The following GABRA5 variants were observed in gnomAD, a reference collection of about 807,000 sequenced individuals.
The protein encoded by GABRA5 is gamma-aminobutyric acid receptor subunit alpha-5.
In GABRA5, 18 loss-of-function variants were observed where a neutral mutation model predicts 47.3. That is an observed-to-expected ratio of 0.38 (90% CI 0.26 to 0.56). The LOEUF is 0.56. Among genes scored for constraint, GABRA5 ranks in the 20% least tolerant of loss-of-function variants. The probability of loss-of-function intolerance (pLI) is 0.71; values close to 1 mark genes in which losing one functional copy is unlikely to be tolerated. For missense variants in GABRA5, 365 were observed against 599.3 expected (o/e 0.61, Z 4.08); for synonymous variants, 237 against 229.3 (o/e 1.03, Z -0.30).
intron 8 of GABRA5, chr15:26,939,374 CCT>C: frequency 2.6e-6 from 2 of 765,288 alleles, no homozygotes; most frequent in Non-Finnish European, 4.8e-6. Flanking sequence ...ACAGGCGACA[CCT>C]CTCTGGTAGG....
At chr15:26,944,291 T>G (rs1894459744) in intron 10 of GABRA5, among the ~76,000 whole-genome samples, 1 of 152,178 alleles carries the variant, frequency 6.6e-6, no homozygotes, top group South Asian at 2.1e-4. Flanking sequence ...TTCCATCCCA[T>G]CCACAGCCCC....
At chr15:26,936,555 C>T (rs540367879) in intron 7 of GABRA5, among the ~76,000 whole-genome samples, 2 of 152,294 alleles carry the variant, frequency 1.3e-5, no homozygotes, top group South Asian at 2.1e-4. Flanking sequence ...AGGTCCAGAA[C>T]CTGAATTCCA....
intron 3 of GABRA5, chr15:26,877,793 T>C (rs1892634121): frequency 2.6e-6 from 1 of 385,976 alleles, no homozygotes. Flanking sequence ...TAATTCCTAT[T>C]TTAAGAGAAC....
At chr15:26,871,157 G>A (rs1892462756) in intron 3 of GABRA5, among the ~76,000 whole-genome samples, 4 of 152,194 alleles carry the variant, frequency 2.6e-5, no homozygotes, top group South Asian at 2.1e-4. Context: ...TCATGCCACT[G>A]CACTCCAGCT....
chr15:26,898,543 G>C (rs1054151943), intron 6 of GABRA5, among the ~76,000 whole-genome samples: 1 of 152,194 alleles, frequency 6.6e-6, no homozygotes, highest in African/African-American at 2.4e-5. Context: ...TCCAGCGATT[G>C]AAAGCAGCAA....
chr15:26,872,138 T>A, intron 3 of GABRA5, among the ~76,000 whole-genome samples: 1 of 152,218 alleles, frequency 6.6e-6, no homozygotes, highest in African/African-American at 2.4e-5. Context: ...TCCTCTCACT[T>A]GTATATTATC....
intron 3 of GABRA5, among the ~76,000 whole-genome samples, chr15:26,871,500 T>C (rs964261350): frequency 6.6e-6 from 1 of 152,142 alleles, no homozygotes; most frequent in East Asian, 1.9e-4. Context: ...TTTTTAATCT[T>C]TTAGGTATAT....
chr15:26,926,705 A>G (rs1436436682), intron 7 of GABRA5, among the ~76,000 whole-genome samples: 2 of 147,094 alleles, frequency 1.4e-5, no homozygotes, highest in Non-Finnish European at 3.0e-5. Flanking sequence ...GCCACTCTGT[A>G]TATGAAAATT....
chr15:26,917,769 T>C (rs1322935637), intron 7 of GABRA5, among the ~76,000 whole-genome samples: 6 of 152,100 alleles, frequency 3.9e-5, no homozygotes, highest in Non-Finnish European at 8.8e-5. Context: ...ACTTCCTATT[T>C]CTTTGTGATT....
At chr15:26,868,495 T>G (rs1892382083) in intron 1 of GABRA5, among the ~76,000 whole-genome samples, 1 of 152,194 alleles carries the variant, frequency 6.6e-6, no homozygotes, top group African/African-American at 2.4e-5. Flanking sequence ...TTCAGGAAGG[T>G]TAGTCGTTGA....
At chr15:26,940,418 G>A (rs539850380) in intron 9 of GABRA5, among the ~76,000 whole-genome samples, 6 of 152,298 alleles carry the variant, frequency 3.9e-5, no homozygotes, top group African/African-American at 1.4e-4. Flanking sequence ...GGGACCGGAA[G>A]TGTTTCAGAT....
intron 4 of GABRA5, among the ~76,000 whole-genome samples, chr15:26,881,199 A>G (rs1047029796): frequency 2.0e-5 from 3 of 152,186 alleles, no homozygotes; most frequent in Non-Finnish European, 2.9e-5. Context: ...TCTAGGTGGA[A>G]GAAGCTGGGG....
intron 7 of GABRA5, among the ~76,000 whole-genome samples, chr15:26,925,682 C>CT (rs1279146678): frequency 4.6e-5 from 7 of 151,170 alleles, no homozygotes; most frequent in South Asian, 2.1e-4. Context: ...AGCACAGGTC[C>CT]TTTTTTTTTG....
At chr15:26,917,087 C>G (rs1438560056) in intron 7 of GABRA5, among the ~76,000 whole-genome samples, 1 of 152,104 alleles carries the variant, frequency 6.6e-6, no homozygotes, top group East Asian at 1.9e-4. Flanking sequence ...ATCGTTCTGG[C>G]TAGGTCCTAA....
chr15:26,931,582 A>G (rs1595431044), intron 7 of GABRA5, among the ~76,000 whole-genome samples: 1 of 152,244 alleles, frequency 6.6e-6, no homozygotes, highest in African/African-American at 2.4e-5. Context: ...AGCTAGGTGC[A>G]GTGAGGAACA....
At chr15:26,893,373 G>GTGTATAGTGTGTGT (rs1180226457) in intron 6 of GABRA5, among the ~76,000 whole-genome samples, 11 of 3,148 alleles carry the variant, frequency 3.5e-3, no homozygotes, top group African/African-American at 8.2e-3. Flanking sequence ...TGTAGCGTGT[G>GTGTATAGTGTGTGT]GCGGGACTAT....
At chr15:26,903,802 GT>G (rs374628090) in intron 6 of GABRA5, among the ~76,000 whole-genome samples, 2,050 of 151,470 alleles carry the variant, frequency 0.014, 101 homozygotes, top group South Asian at 0.11. Context: ...TTAACAGGAT[GT>G]TTTGTTTTTT....
In GABRA5 at chr15:26,917,046, T is replaced by C. The variant is rs1595421432; in HGVS notation, c.580+2161T>C. Among the ~76,000 whole-genome samples, 3 of 152,136 alleles carry C rather than the reference T, an allele frequency of 2.0e-5. No individual in the cohort carries two copies. In the East Asian group the frequency reaches 5.8e-4, roughly 29 times the overall value. ...AGAGTTTCACTTCTTCCTTTATGATTTGGATGCCTTTTATTTCCTTTTCTT... is the reference window on the plus strand; with the variant it reads ...AGAGTTTCACTTCTTCCTTTATGATCTGGATGCCTTTTATTTCCTTTTCTT... On this transcript the variant is annotated intron_variant, in intron 7 of 10. Coordinates refer to ENST00000335625, the MANE Select transcript of GABRA5 (RefSeq NM_000810.4).
At chr15:26,869,926 T>G (rs1892422668) in intron 3 of GABRA5, among the ~76,000 whole-genome samples, 1 of 152,226 alleles carries the variant, frequency 6.6e-6, no homozygotes, top group African/African-American at 2.4e-5. Context: ...CCTCTTTCAT[T>G]TTAGCCTTTA....
Sources: gnomAD v4.1 joint callset for allele counts (sites outside exome capture counted in the v4.1 genomes callset) on GRCh38, gnomAD v4.1.1 for gene constraint, MANE v1.5 for transcripts, NCBI Gene and HGNC (gene_info 2026-07-23, HGNC 2026-07-21) for gene names.